The following AP4E1 variants were observed in gnomAD, a reference collection of about 807,000 sequenced individuals.
The protein encoded by AP4E1 is adaptor related protein complex 4 subunit epsilon 1.
In AP4E1, 56 loss-of-function variants were observed where a neutral mutation model predicts 128.2. The observed-to-expected ratio is 0.44, with a 90% CI of 0.35 to 0.55. The LOEUF (loss-of-function observed/expected upper bound fraction) is 0.55. Ranked by LOEUF, AP4E1 falls within the 20% of genes least tolerant of loss-of-function variation. AP4E1 has a pLI of 0.00. For synonymous variants in AP4E1, 484 were observed against 473.1 expected (o/e 1.02, Z -0.30); for missense variants, 1,324 against 1,307.7 (o/e 1.01, Z -0.19).
chr15:50,996,155 ATTT>A (rs34048744), intron 17 of AP4E1, among the ~76,000 whole-genome samples: 22 of 113,406 alleles, frequency 1.9e-4, no homozygotes, highest in African/African-American at 6.7e-4. Flanking sequence ...CGCCTGGCTA[ATTT>A]TTTTTTTTTT....
intron 14 of AP4E1, among the ~76,000 whole-genome samples, chr15:50,963,452 T>C (rs1049616313): frequency 6.6e-6 from 1 of 152,178 alleles, no homozygotes; most frequent in Non-Finnish European, 1.5e-5. Flanking sequence ...CTTATTTCAC[T>C]ATGAAGTAAA....
chr15:50,908,963 C>T (rs1325616143), intron 1 of AP4E1, 35 bp downstream of exon 1: 1 of 1,607,340 alleles, frequency 6.2e-7, no homozygotes, highest in Non-Finnish European at 8.5e-7. Flanking sequence ...TCAGGGACAT[C>T]GGAGTGAGGC....
At chr15:50,994,212 A>G (rs2064842088) in intron 17 of AP4E1, among the ~76,000 whole-genome samples, 1 of 152,244 alleles carries the variant, frequency 6.6e-6, no homozygotes, top group Non-Finnish European at 1.5e-5. Context: ...TATTAAGATT[A>G]TGATTTTTAA....
chr15:50,930,659 A>T (rs1327472678), intron 6 of AP4E1, 146 bp from the exon 7 acceptor site: 3 of 806,264 alleles, frequency 3.7e-6, no homozygotes, highest in Admixed American at 5.1e-5. Context: ...ATCATGGAAG[A>T]TATTATACAT....
chr15:50,978,778 T>C (rs1308345854), intron 15 of AP4E1, among the ~76,000 whole-genome samples: 1 of 152,212 alleles, frequency 6.6e-6, no homozygotes, highest in African/African-American at 2.4e-5. Context: ...ATACCATTTT[T>C]CTCCTTCTGT....
intron 14 of AP4E1, among the ~76,000 whole-genome samples, chr15:50,962,017 A>AAATACAATACAATACAATAC (rs56115825): frequency 5.4e-4 from 81 of 150,970 alleles, no homozygotes; most frequent in African/African-American, 1.4e-3. Context: ...ATAAATAAAT[A>AAATACAATACAATACAATAC]AATACAATAC....
intron 13 of AP4E1, among the ~76,000 whole-genome samples, chr15:50,953,355 T>C (rs1029374669): frequency 1.3e-5 from 2 of 152,226 alleles, no homozygotes; most frequent in Non-Finnish European, 2.9e-5. Flanking sequence ...GTAGTTTTGC[T>C]TTCTGCAGTT....
chr15:50,927,245 T>C (rs1322654961), intron 5 of AP4E1, among the ~76,000 whole-genome samples: 2 of 152,226 alleles, frequency 1.3e-5, no homozygotes, highest in Non-Finnish European at 2.9e-5. Context: ...TTTCAAGTCC[T>C]GGCTAGAGTT....
chr15:51,001,345 A>G (rs564190355), intron 20 of AP4E1, among the ~76,000 whole-genome samples, 162 bp downstream of exon 20: 91 of 152,180 alleles, frequency 6.0e-4, no homozygotes, highest in Non-Finnish European at 1.2e-3. Context: ...ATAATTTTTT[A>G]TTGGAAAATA....
In AP4E1 at chr15:50,908,910, A is replaced by T. The variant is rs2063530664; in HGVS notation, c.132A>T (p.Thr44=). The T allele has an allele frequency of 6.2e-7, 1 of 1,610,990 alleles. No homozygotes were observed. ...TGGGCAGCCTTGTCCGCGGCATCAC[A>T]GCCCTCACCTCCAAGCACGTAGGTG... ...SRLGSLVRGI[T]ALTSKHEEEK... Residue 44 remains threonine, a synonymous_variant, in exon 1 of 21, where the codon ACA becomes ACT. Transcript: ENST00000261842.
At chr15:50,912,210 A>G (rs1411113903) in intron 2 of AP4E1, 61 bp downstream of exon 2, 27 of 1,398,318 alleles carry the variant, frequency 1.9e-5, no homozygotes, top group South Asian at 9.3e-5. Flanking sequence ...TGTGGACTCA[A>G]TAGTGGCATC....
chr15:50,912,018 A>C, intron 1 of AP4E1, 60 bp from the exon 2 acceptor site: 1 of 1,276,694 alleles, frequency 7.8e-7, no homozygotes, highest in Non-Finnish European at 1.1e-6. Context: ...CGTTTAGATA[A>C]ATGCTGTTAC....
At chr15:50,984,750 T>G (rs1317434397) in intron 16 of AP4E1, among the ~76,000 whole-genome samples, 1 of 152,172 alleles carries the variant, frequency 6.6e-6, no homozygotes, top group Non-Finnish European at 1.5e-5. Context: ...CTATTGTGAA[T>G]AGTGCCGCAG....
At chr15:50,948,903 C>T (rs996814998) in intron 11 of AP4E1, among the ~76,000 whole-genome samples, 34 of 149,102 alleles carry the variant, frequency 2.3e-4, no homozygotes, top group African/African-American at 6.7e-4. Context: ...AACTGGGAGG[C>T]GGAGGTTGCA....
At chr15:50,931,917 C>A (rs981955972) in intron 7 of AP4E1, among the ~76,000 whole-genome samples, 2 of 151,962 alleles carry the variant, frequency 1.3e-5, no homozygotes, top group African/African-American at 4.8e-5. Flanking sequence ...ATTCTTTTAG[C>A]CAATAACTTA....
intron 17 of AP4E1, among the ~76,000 whole-genome samples, chr15:50,997,092 G>T (rs929190389): frequency 1.3e-5 from 2 of 151,910 alleles, no homozygotes; most frequent in African/African-American, 4.8e-5. Context: ...TTTCTTCTTC[G>T]GATTCCATGT....
chr15:50,913,423 A>C (rs565318248), intron 2 of AP4E1, among the ~76,000 whole-genome samples: 3 of 152,360 alleles, frequency 2.0e-5, no homozygotes, highest in South Asian at 4.1e-4. Context: ...AGTTGGGCAG[A>C]ACTAAGATAA....
chr15:50,933,128 G>C (rs1055180235), intron 7 of AP4E1, among the ~76,000 whole-genome samples: 14 of 152,122 alleles, frequency 9.2e-5, no homozygotes, highest in African/African-American at 3.4e-4. Context: ...ACAAAGATGA[G>C]TAAGCTAGTC....
intron 14 of AP4E1, among the ~76,000 whole-genome samples, chr15:50,965,893 G>T (rs540154528): frequency 4.6e-5 from 7 of 151,990 alleles, no homozygotes; most frequent in Non-Finnish European, 8.8e-5. Flanking sequence ...TTCATATCAT[G>T]ATCTCCCTCA....
Sources: gnomAD v4.1 joint callset for allele counts (sites outside exome capture counted in the v4.1 genomes callset) on GRCh38, gnomAD v4.1.1 for gene constraint, MANE v1.5 for transcripts, NCBI Gene and HGNC (gene_info 2026-07-23, HGNC 2026-07-21) for gene names.